The following ZFAT variants were observed in gnomAD, a reference collection of about 807,000 sequenced individuals.
ZFAT encodes zinc finger protein ZFAT.
ZFAT carries 64 observed loss-of-function variants against 117.7 expected under a neutral mutation model. That is an observed-to-expected ratio of 0.54 (90% CI 0.44 to 0.67). The LOEUF (loss-of-function observed/expected upper bound fraction) is 0.67. ZFAT is among the 30% of genes least tolerant of loss of function. The pLI is 0.00. For missense variants in ZFAT, 1,433 were observed against 1,584.5 expected, an observed-to-expected ratio of 0.90 and a Z score of 1.62; for synonymous variants, 679 against 615.0, an observed-to-expected ratio of 1.10 and a Z score of -1.54.
At chr8:134,593,319 CAGA>C (rs1233255976) in intron 7 of ZFAT, among the ~76,000 whole-genome samples, 2 of 147,828 alleles carry the variant, frequency 1.4e-5, no homozygotes, top group African/African-American at 5.0e-5. Flanking sequence ...TGAAGACTGT[CAGA>C]AGGACACAGA....
the ZFAT span, among the ~76,000 whole-genome samples, chr8:134,751,453 A>AG: frequency 6.6e-6 from 1 of 152,238 alleles, no homozygotes; most frequent in Non-Finnish European, 1.5e-5. Flanking sequence ...AACAAGGCAG[A>AG]GACCCAGTCC....
At chr8:134,805,843 G>T in the ZFAT span, among the ~76,000 whole-genome samples, 31 of 152,144 alleles carry the variant, frequency 2.0e-4, no homozygotes, top group Non-Finnish European at 3.5e-4. Flanking sequence ...TTAGCTGGGT[G>T]TGGTGGTGCA....
the ZFAT span, among the ~76,000 whole-genome samples, chr8:134,819,442 T>C: frequency 6.6e-6 from 1 of 151,606 alleles, no homozygotes; most frequent in East Asian, 1.9e-4. Flanking sequence ...ATCTGCAGAT[T>C]TGGTAATTTC....
At chr8:134,722,909 A>G in the ZFAT span, 2 of 152,216 alleles carry the variant, frequency 1.3e-5, no homozygotes, top group African/African-American at 4.8e-5. Context: ...CTCTAATCCA[A>G]CATGGCCAGG....
intron 15 of ZFAT, among the ~76,000 whole-genome samples, chr8:134,500,098 G>T (rs1395284172): frequency 6.6e-6 from 1 of 152,200 alleles, no homozygotes; most frequent in East Asian, 1.9e-4. Flanking sequence ...TCCCGTCAGG[G>T]CTATTACAGC....
At chr8:134,619,213 G>C (rs1828945848) in intron 3 of ZFAT, among the ~76,000 whole-genome samples, 1 of 151,256 alleles carries the variant, frequency 6.6e-6, no homozygotes, top group East Asian at 1.9e-4. Context: ...GCCTAGAGTT[G>C]GGCAAAACCA....
At chr8:134,590,449 C>G in intron 7 of ZFAT, 94 bp from the exon 8 acceptor site, 1 of 908,224 alleles carries the variant, frequency 1.1e-6, no homozygotes, top group East Asian at 2.5e-5. Flanking sequence ...CACCCACCAC[C>G]ACCACCACTA....
At chr8:134,617,491 T>A (rs759151221) in intron 3 of ZFAT, among the ~76,000 whole-genome samples, 1 of 152,202 alleles carries the variant, frequency 6.6e-6, no homozygotes, top group East Asian at 1.9e-4. Flanking sequence ...GACAATGATA[T>A]GACAACACAC....
intron 2 of ZFAT, among the ~76,000 whole-genome samples, chr8:134,654,630 T>C (rs1831481493): frequency 6.6e-6 from 1 of 152,188 alleles, no homozygotes; most frequent in African/African-American, 2.4e-5. Context: ...TCAGATGAGT[T>C]TGAGGAGCCC....
Position 134,602,639 on chromosome 8 carries a change from C to T in ZFAT, c.1080G>A (p.Lys360=), listed in dbSNP as rs1586796343. 1.2e-6 allele frequency: 2 copies of T among 1,614,214 alleles called. No individual in the cohort carries two copies. The highest frequency in any genetic ancestry group is 1.1e-5 in the South Asian group (1 of 91,086). ...GGTTCTTGACGTCAGAGTACTTCTT[C>T]TTGCAGAAGCGGCAGTGCTGCTTGA... ...KKIKQHCRFC[K]KKYSDVKNLI... The change falls in exon 6 of 16, where the codon AAG becomes AAA. Residue 360 remains lysine (K), a synonymous_variant. Transcript: ENST00000377838.
chr8:134,641,631 G>C (rs1830589178), intron 2 of ZFAT, among the ~76,000 whole-genome samples: 1 of 152,198 alleles, frequency 6.6e-6, no homozygotes, highest in African/African-American at 2.4e-5. Flanking sequence ...GGTCTGAGCT[G>C]GCCTTTTAAT....
chr8:134,600,359 C>G, intron 7 of ZFAT, 77 bp downstream of exon 7: 1 of 1,298,174 alleles, frequency 7.7e-7, no homozygotes, highest in Non-Finnish European at 1.1e-6. Context: ...AGCAGAGACA[C>G]CTACATATAA....
chr8:134,632,392 A>G (rs1829948513), intron 3 of ZFAT, among the ~76,000 whole-genome samples: 1 of 152,230 alleles, frequency 6.6e-6, no homozygotes, highest in Non-Finnish European at 1.5e-5. Flanking sequence ...TTACTAGTTA[A>G]GTTTGAGGAG....
chr8:134,584,809 G>A (rs901859177), intron 9 of ZFAT, among the ~76,000 whole-genome samples: 3 of 152,130 alleles, frequency 2.0e-5, no homozygotes, highest in African/African-American at 7.2e-5. Flanking sequence ...GAAAGAGGGC[G>A]GGGAACAAAC....
chr8:134,782,724 C>T, the ZFAT span, among the ~76,000 whole-genome samples: 1 of 152,032 alleles, frequency 6.6e-6, no homozygotes, highest in Non-Finnish European at 1.5e-5. Flanking sequence ...GTGCCTTTTG[C>T]CTTCTGCCAT....
At chr8:134,666,717 T>C (rs780922132) in intron 1 of ZFAT, among the ~76,000 whole-genome samples, 2 of 151,126 alleles carry the variant, frequency 1.3e-5, no homozygotes, top group Admixed American at 6.6e-5. Context: ...AAAAATAACA[T>C]GAAAAAGAGA....
At chr8:134,499,964 C>T (rs886122683) in intron 15 of ZFAT, among the ~76,000 whole-genome samples, 9 of 152,176 alleles carry the variant, frequency 5.9e-5, no homozygotes, top group African/African-American at 1.7e-4. Context: ...TTCCGGGAAT[C>T]CCTCCGGCCA....
the ZFAT span, among the ~76,000 whole-genome samples, chr8:134,826,638 A>G: frequency 6.6e-6 from 1 of 152,236 alleles, no homozygotes; most frequent in Non-Finnish European, 1.5e-5. Context: ...TACAGCAAAT[A>G]AATTTAACTT....
chr8:134,495,855 G>C (rs1177788417), intron 15 of ZFAT, among the ~76,000 whole-genome samples: 2 of 152,098 alleles, frequency 1.3e-5, no homozygotes, highest in African/African-American at 4.8e-5. Flanking sequence ...GCTTGAGTAG[G>C]GGAGGTTGAG....
Sources: gnomAD v4.1 joint callset for allele counts (sites outside exome capture counted in the v4.1 genomes callset) on GRCh38, gnomAD v4.1.1 for gene constraint, MANE v1.5 for transcripts, NCBI Gene and HGNC (gene_info 2026-07-23, HGNC 2026-07-21) for gene names.